The following SMCO2 variants were observed in gnomAD, a reference collection of about 807,000 sequenced individuals.
SMCO2 encodes the protein single-pass membrane and coiled-coil domain-containing protein 2.
Under a neutral mutation model 29.5 loss-of-function variants are expected in SMCO2, and 25 were observed. The observed-to-expected ratio is 0.85, with a 90% CI of 0.62 to 1.18. The LOEUF is 1.18. Among genes scored for constraint, SMCO2 ranks in the 50% most tolerant of loss-of-function variants. The pLI is 0.00. For synonymous variants in SMCO2, 117 were observed against 123.3 expected, an observed-to-expected ratio of 0.95 and a Z score of 0.34; for missense variants, 348 against 344.5, an observed-to-expected ratio of 1.01 and a Z score of -0.08.
rs1949571966 is a variant in SMCO2, at chr12:27,474,912, CT to C, written c.362del (p.Leu121ProfsTer3). ...GTTTTCAAAGAAGAACCTCCTTGAA[CT>C]GTAAGTCTTGACACATGCAAGACAG... On this transcript the variant is annotated frameshift_variant and splice_region_variant, in exon 4 of 8. Coordinates refer to ENST00000298876, the Ensembl canonical transcript of SMCO2. LOFTEE classifies it high-confidence loss of function. 6.4e-7 allele frequency: 1 copy of C among 1,550,770 alleles called. No individual in the cohort carries two copies. The highest frequency in any genetic ancestry group is 1.2e-5 in the South Asian group (1 of 84,028).
the SMCO2 span, among the ~76,000 whole-genome samples, chr12:27,426,479 C>T: frequency 6.6e-6 from 1 of 152,112 alleles, no homozygotes; most frequent in Non-Finnish European, 1.5e-5. Flanking sequence ...GCCTCAGTTT[C>T]TTCATTCGTA....
intron 4 of SMCO2, among the ~76,000 whole-genome samples, chr12:27,485,710 G>A (rs773762348): frequency 1.2e-4 from 18 of 152,132 alleles, no homozygotes; most frequent in Non-Finnish European, 2.5e-4. Flanking sequence ...GCCTCCCAAA[G>A]TGCTGGGATT....
At chr12:27,475,759 T>A (rs1592206903) in intron 4 of SMCO2, 28 bp downstream of exon 5, 1 of 1,445,488 alleles carries the variant, frequency 6.9e-7, no homozygotes, top group African/African-American at 1.5e-5. Flanking sequence ...GGGTTGGTCA[T>A]AAAATAGCAG....
the SMCO2 span, among the ~76,000 whole-genome samples, chr12:27,439,020 T>G: frequency 6.6e-6 from 1 of 152,138 alleles, no homozygotes; most frequent in African/African-American, 2.4e-5. Context: ...AAAGTGAAAT[T>G]GAGGTGGTTA....
At chr12:27,465,754 C>G (rs1465994269), upstream of SMCO2, among the ~76,000 whole-genome samples, 1 of 152,184 alleles carries the variant, frequency 6.6e-6, no homozygotes, top group Non-Finnish European at 1.5e-5. Context: ...ACCAATTTTT[C>G]AGACAAAGAG....
chr12:27,448,779 T>C, the SMCO2 span, among the ~76,000 whole-genome samples: 1 of 152,242 alleles, frequency 6.6e-6, no homozygotes, highest in Non-Finnish European at 1.5e-5. Context: ...TATGGTCTTA[T>C]TGATAATTCA....
chr12:27,491,900 G>A (rs1337863438), intron 5 of SMCO2, among the ~76,000 whole-genome samples: 1 of 151,850 alleles, frequency 6.6e-6, no homozygotes, highest in African/African-American at 2.4e-5. Context: ...TGTAGAGACG[G>A]GGTTTCACCA....
At position 27,486,448 on chromosome 12, in the gene SMCO2, C is replaced by T. The variant is rs533202653; in HGVS notation, c.363-2012C>T. Among the ~76,000 whole-genome samples the T allele has an allele frequency of 2.6e-5, 4 of 152,318 alleles. No homozygotes were observed. In the South Asian group the frequency reaches 8.3e-4, roughly 32 times the overall value. On this transcript the variant is annotated intron_variant, in intron 4 of 7. Transcript: ENST00000298876. ...ACTTGTTTCCCACCTGAGGGATCCA[C>T]GTTCTGCACTGTCTGTTGTTCAACG...
chr12:27,464,746 G>A (rs1949484564), upstream of SMCO2, among the ~76,000 whole-genome samples: 1 of 144,696 alleles, frequency 6.9e-6, no homozygotes, highest in African/African-American at 2.7e-5. Context: ...AAAAGTCTGG[G>A]CGTGGTGGCT....
At chr12:27,456,775 C>T in the SMCO2 span, among the ~76,000 whole-genome samples, 4 of 152,096 alleles carry the variant, frequency 2.6e-5, no homozygotes, top group African/African-American at 9.7e-5. Flanking sequence ...TTCCCAACCC[C>T]CAGGCTGTGG....
chr12:27,487,132 T>C (rs1204259167), intron 4 of SMCO2, among the ~76,000 whole-genome samples: 1 of 152,222 alleles, frequency 6.6e-6, no homozygotes, highest in Non-Finnish European at 1.5e-5. Context: ...CCATGCAATT[T>C]TATGAGATGT....
chr12:27,467,919 T>C (rs1185048458), intron 1 of SMCO2, among the ~76,000 whole-genome samples: 1 of 152,190 alleles, frequency 6.6e-6, no homozygotes, highest in Non-Finnish European at 1.5e-5. Flanking sequence ...GTGTAAGCAT[T>C]ATTTTTATTA....
chr12:27,450,955 T>C, the SMCO2 span, among the ~76,000 whole-genome samples: 1 of 152,152 alleles, frequency 6.6e-6, no homozygotes, highest in African/African-American at 2.4e-5. Context: ...AAGAGAAATT[T>C]TAGAAGCTTT....
chr12:27,488,043 A>G (rs994825559), intron 4 of SMCO2, among the ~76,000 whole-genome samples: 10 of 151,820 alleles, frequency 6.6e-5, no homozygotes, highest in Non-Finnish European at 8.8e-5. Context: ...TTGTCTTTTC[A>G]TCCATTTAAC....
At chr12:27,459,337 T>C in the SMCO2 span, among the ~76,000 whole-genome samples, 1 of 152,226 alleles carries the variant, frequency 6.6e-6, no homozygotes, top group South Asian at 2.1e-4. Context: ...GAGTTGGAGC[T>C]GGAGGCCATT....
At chr12:27,482,556 C>T (rs965740587) in intron 4 of SMCO2, among the ~76,000 whole-genome samples, 2 of 152,162 alleles carry the variant, frequency 1.3e-5, no homozygotes, top group Non-Finnish European at 2.9e-5. Context: ...CCACATTGGC[C>T]TACCAAAGTG....
intron 2 of SMCO2, 107 bp downstream of exon 2, chr12:27,470,872 T>G: frequency 1.6e-6 from 2 of 1,266,962 alleles, no homozygotes; most frequent in Non-Finnish European, 1.1e-6. Context: ...GAGTCTAGGT[T>G]GACAGTCTTC....
intron 7 of SMCO2, among the ~76,000 whole-genome samples, chr12:27,500,329 C>A (rs937172397): frequency 1.3e-5 from 2 of 149,246 alleles, no homozygotes; most frequent in African/African-American, 5.0e-5. Context: ...ACAGAAAAAA[C>A]TAGATGAGTA....
chr12:27,484,871 A>AAAT (rs1555174672), intron 4 of SMCO2, among the ~76,000 whole-genome samples: 33 of 77,210 alleles, frequency 4.3e-4, no homozygotes, highest in South Asian at 9.7e-4. Flanking sequence ...AAAAAAAAAA[A>AAAT]ATATATATAT....
Sources: allele counts gnomAD v4.1 joint callset (sites outside exome capture counted in the v4.1 genomes callset), GRCh38; gene constraint gnomAD v4.1.1; transcripts MANE v1.5; gene names NCBI Gene and HGNC (gene_info 2026-07-23, HGNC 2026-07-21).